SEL1L3: variants seen among roughly 807,000 people sequenced by gnomAD.
SEL1L3 encodes SEL1L family member 3, also known as protein sel-1 homolog 3.
Under a neutral mutation model 142.8 loss-of-function variants are expected in SEL1L3, and 76 were observed. That is an observed-to-expected ratio of 0.53 (90% CI 0.44 to 0.64). The LOEUF (loss-of-function observed/expected upper bound fraction) is 0.64. Ranked by LOEUF, SEL1L3 falls within the 30% of genes least tolerant of loss-of-function variation. SEL1L3 has a pLI of 0.00. For synonymous variants in SEL1L3, 504 were observed against 519.6 expected, an observed-to-expected ratio of 0.97 and a Z score of 0.41; for missense variants, 1,262 against 1,381.7, an observed-to-expected ratio of 0.91 and a Z score of 1.37.
intron 3 of SEL1L3, 22 bp downstream of exon 3, chr4:25,835,175 C>A (rs201750744): frequency 1.4e-5 from 22 of 1,613,452 alleles, no homozygotes; most frequent in Non-Finnish European, 1.7e-5. Context: ...CCGATCAGCT[C>A]CCTTCTGCTA....
chr4:25,820,117 C>T (rs1476228945), intron 7 of SEL1L3, among the ~76,000 whole-genome samples, 177 bp from the exon 8 acceptor site: 1 of 152,226 alleles, frequency 6.6e-6, no homozygotes, highest in East Asian at 1.9e-4. Flanking sequence ...AATTCAAGGA[C>T]ATGCCAGCTC....
intron 1 of SEL1L3, among the ~76,000 whole-genome samples, chr4:25,852,201 G>A (rs1351610783): frequency 6.6e-6 from 1 of 152,170 alleles, no homozygotes; most frequent in Non-Finnish European, 1.5e-5. Context: ...TTCTGCAGAC[G>A]AGGAAATGAC....
At chr4:25,856,870 T>C (rs1314425577) in intron 1 of SEL1L3, among the ~76,000 whole-genome samples, 1 of 152,264 alleles carries the variant, frequency 6.6e-6, no homozygotes, top group Non-Finnish European at 1.5e-5. Flanking sequence ...CTTTGTTCTC[T>C]ATCTGGTCTC....
intron 9 of SEL1L3, among the ~76,000 whole-genome samples, chr4:25,808,094 T>C (rs556859679): frequency 6.6e-6 from 1 of 152,332 alleles, no homozygotes; most frequent in South Asian, 2.1e-4. Flanking sequence ...TGGGTGATAT[T>C]GTGACACTGG....
At position 25,753,922 on chromosome 4, in the gene SEL1L3, TG is replaced by T. The variant is rs1229977731; in HGVS notation, c.3259+3611del. On this transcript the variant is annotated intron_variant, in intron 23 of 23. Transcript: ENST00000399878. ...TCACTTGAATCCGAGAGATGGAGGT[TG>T]CAGTGAGCTGAGATTGTACCACTGT... Among the ~76,000 whole-genome samples, 3 of 151,880 alleles carry T rather than the reference TG, an allele frequency of 2.0e-5. No individual in the cohort carries two copies. The East Asian group carries it at 5.8e-4, about 29-fold the overall frequency.
chr4:25,765,437 T>A lies in SEL1L3; in HGVS notation c.2846-2A>T. The A allele has an allele frequency of 1.9e-6, 3 of 1,584,764 alleles. No homozygotes were observed. Among genetic ancestry groups the A allele is most frequent in the Non-Finnish European group, 2.6e-6 (3 of 1,153,382 alleles). Reference sequence around the variant, plus strand: ...AAAGGTCTCCCATCTTCAAATATGCTGCAGGAAATAAAGCACAGATCCATT... The same window carrying A: ...AAAGGTCTCCCATCTTCAAATATGCAGCAGGAAATAAAGCACAGATCCATT... On this transcript the variant is annotated splice_acceptor_variant, in intron 19 of 23. Coordinates refer to ENST00000399878, the MANE Select transcript of SEL1L3 (RefSeq NM_015187.5). LOFTEE classifies it high-confidence loss of function.
the SEL1L3 span, among the ~76,000 whole-genome samples, chr4:25,731,961 C>T: frequency 6.6e-6 from 1 of 152,134 alleles, no homozygotes; most frequent in African/African-American, 2.4e-5. Flanking sequence ...GTAATCCCAG[C>T]TTCTTGGGAA....
chr4:25,726,899 G>A, the SEL1L3 span, among the ~76,000 whole-genome samples: 1 of 152,180 alleles, frequency 6.6e-6, no homozygotes, highest in African/African-American at 2.4e-5. Context: ...TCAGGAGGCT[G>A]GAAGTCCAAG....
intron 7 of SEL1L3, among the ~76,000 whole-genome samples, chr4:25,820,233 T>G (rs1196706908): frequency 1.3e-5 from 2 of 152,208 alleles, no homozygotes; most frequent in African/African-American, 4.8e-5. Context: ...ACTCTGTCCC[T>G]AGAAAATCAC....
Position 25,757,782 on chromosome 4 carries a change from C to A in SEL1L3, c.3092G>T (p.Ser1031Ile), listed in dbSNP as rs752182978. ...GCTGAAGGACTCCTCGTTACTGTGG[C>A]TCCAGCACCTGCAGACAAAGCCCAG... Reference protein sequence around the residue: ...ILQELYERCWSHSNEESFSPC... With the variant: ...ILQELYERCWIHSNEESFSPC... Residue 1031 changes from serine (S) to isoleucine (I), a missense_variant, in exon 22 of 24, where the codon AGC (serine) becomes ATC (isoleucine). Physicochemically the swap from Ser to Ile is moderately radical, Grantham distance 142. Around this residue, in one of 3 missense-constraint regions of SEL1L3, gnomAD observed 138 missense variants for 129.7 expected, o/e 1.06. Coordinates refer to ENST00000399878, the MANE Select transcript of SEL1L3 (RefSeq NM_015187.5). 6.3e-7 allele frequency: 1 copy of A among 1,576,474 alleles called. No homozygotes were observed. The highest frequency in any genetic ancestry group is 1.8e-5 in the Admixed American group (1 of 54,470).
chr4:25,862,322 C>T (rs1717771831), intron 1 of SEL1L3, among the ~76,000 whole-genome samples: 4 of 142,626 alleles, frequency 2.8e-5, no homozygotes, highest in Admixed American at 2.1e-4. Context: ...TTGGGGGGTG[C>T]TGGAGACTGC....
chr4:25,846,107 G>C (rs1324084860), intron 2 of SEL1L3, among the ~76,000 whole-genome samples: 4 of 152,180 alleles, frequency 2.6e-5, no homozygotes, highest in South Asian at 2.1e-4. Context: ...CATGTGTGGG[G>C]AGGGCTCCCC....
At position 25,779,090 on chromosome 4, in the gene SEL1L3, A is replaced by C; in HGVS notation, c.2571T>G (p.Pro857=). 4 of 1,613,370 alleles carry C rather than the reference A, an allele frequency of 2.5e-6. No homozygotes were observed. The highest frequency in any genetic ancestry group is 3.4e-6 in the Non-Finnish European group (4 of 1,179,436). Residue 857 remains proline, a synonymous_variant, in exon 16 of 24, where the codon CCT becomes CCG. Coordinates refer to ENST00000399878, the MANE Select transcript of SEL1L3 (RefSeq NM_015187.5). ...CAGAGTCTTACACAACAGCTTTCTC[A>C]GGATCTCTAGGGAATGTCTCCAGGT... is the stretch of plus-strand genomic sequence containing the variant. The part of the protein sequence containing the change: ...TGNLETFPRD[P]EKAVVWAKHV...
At chr4:25,863,024 C>G (rs1293507683), upstream of SEL1L3, 11 of 175,322 alleles carry the variant, frequency 6.3e-5, no homozygotes, top group South Asian at 1.6e-4. Flanking sequence ...CAGCCCCAGC[C>G]GAGCGCCGGC....
intron 4 of SEL1L3, 119 bp from the exon 5 acceptor site, chr4:25,833,229 A>G (rs1715560666): frequency 2.7e-6 from 2 of 732,524 alleles, no homozygotes; most frequent in African/African-American, 3.5e-5. Flanking sequence ...AACAAAGCAA[A>G]ACCCAAACAC....
chr4:25,765,524 T>A lies in SEL1L3; in HGVS notation c.2846-89A>T. The A allele has an allele frequency of 3.8e-6, 3 of 796,378 alleles. No homozygotes were observed. The South Asian group carries it at 4.6e-5, about 12-fold the overall frequency. The allele number at this position is 796,378 out of a possible 1,614,324, so 49.3% of individuals were successfully genotyped here. A position where few individuals can be genotyped will look rare whatever the true frequency, so the allele number is the denominator to read the frequency against. On this transcript the variant is annotated intron_variant, in intron 19 of 23. Transcript: ENST00000399878. The stretch of plus-strand genomic sequence containing the variant: ...ATTGGCGCATTCACATGAATGCAAG[T>A]TTTTCCTATTAGTATCTGAATACAG...
chr4:25,749,960 G>T (rs1015397375), intron 23 of SEL1L3, among the ~76,000 whole-genome samples: 1 of 151,556 alleles, frequency 6.6e-6, no homozygotes, highest in East Asian at 2.0e-4. Flanking sequence ...CAGGCCGGGC[G>T]CCGTGGCTCA....
At position 25,782,422 on chromosome 4, in the gene SEL1L3, A is replaced by G; in HGVS notation, c.2281-4T>C. 1 of 1,609,536 alleles carries G rather than the reference A, an allele frequency of 6.2e-7. No individual in the cohort carries two copies. Among genetic ancestry groups the G allele is most frequent in the Non-Finnish European group, 8.5e-7 (1 of 1,178,262 alleles). On this transcript the variant is annotated splice_polypyrimidine_tract_variant and splice_region_variant and intron_variant, in intron 14 of 23. Coordinates refer to ENST00000399878, the MANE Select transcript of SEL1L3 (RefSeq NM_015187.5). ...CATTGACTGCCTGATGCAATCCCTG[A>G]ATTTTGGAACAAGAAAGAAATTAAC...
intron 19 of SEL1L3, among the ~76,000 whole-genome samples, chr4:25,767,157 G>C (rs896566205): frequency 6.6e-6 from 1 of 152,100 alleles, no homozygotes; most frequent in Admixed American, 6.5e-5. Context: ...AGCTGGGCGT[G>C]GTCGTGGGCA....
Sources: allele counts gnomAD v4.1 joint callset (sites outside exome capture counted in the v4.1 genomes callset), GRCh38; gene constraint gnomAD v4.1.1; regional missense constraint gnomAD v4.1.1; transcripts MANE v1.5; gene names NCBI Gene and HGNC (gene_info 2026-07-23, HGNC 2026-07-21).